NEDD9: variants seen among roughly 807,000 people sequenced by gnomAD.
The protein encoded by NEDD9 is neural precursor cell expressed, developmentally down-regulated 9.
Under a neutral mutation model 76.6 loss-of-function variants are expected in NEDD9, and 26 were observed. The ratio of observed to expected loss-of-function variants is 0.34; its 90% CI spans 0.25 to 0.47. The LOEUF (loss-of-function observed/expected upper bound fraction) is 0.47. NEDD9 is among the 20% of genes least tolerant of loss of function. The pLI is 1.00. For missense variants in NEDD9, 937 were observed against 1,058.5 expected (o/e 0.89, Z 1.59); for synonymous variants, 392 against 414.2 (o/e 0.95, Z 0.65).
At chr6:11,308,493 C>T (rs1761261281) in intron 2 of NEDD9, among the ~76,000 whole-genome samples, 1 of 151,008 alleles carries the variant, frequency 6.6e-6, no homozygotes, top group Non-Finnish European at 1.5e-5. Context: ...CCTCAGCCTC[C>T]CGAGTAGCTG....
rs549720968 is a variant in NEDD9, at chr6:11,301,820, G to A, written c.12+4172C>T. 1.5e-4 allele frequency among the ~76,000 whole-genome samples: 23 copies of A among 152,242 alleles called. No individual in the cohort carries two copies. In the South Asian group the frequency reaches 4.4e-3, roughly 29 times the overall value. ...TAAAGATGTTCTTTGAAACCAATGA[G>A]AAAAAAGATGCAACACACCAGAATC... On this transcript the variant is annotated intron_variant, in intron 3 of 3. Coordinates refer to the NEDD9 transcript ENST00000397378.
intron 2 of NEDD9, among the ~76,000 whole-genome samples, chr6:11,210,487 G>T (rs1758752475): frequency 6.6e-6 from 1 of 152,122 alleles, no homozygotes; most frequent in African/African-American, 2.4e-5. Flanking sequence ...TATTAAGCCA[G>T]TCAGTAAAAC....
intron 3 of NEDD9, among the ~76,000 whole-genome samples, chr6:11,282,930 A>G (rs1455219140): frequency 6.6e-6 from 1 of 152,224 alleles, no homozygotes; most frequent in Non-Finnish European, 1.5e-5. Context: ...TATACAGAAA[A>G]GTCGTTATGA....
intron 3 of NEDD9, chr6:11,305,924 G>A (rs1299917602): frequency 1.3e-6 from 2 of 1,542,678 alleles, no homozygotes; most frequent in Non-Finnish European, 1.8e-6. Context: ...TTATTGCAGA[G>A]AATTTAGGCT....
At position 11,370,358 on chromosome 6, in the gene NEDD9, G is replaced by T. The variant is rs1268769630; in HGVS notation, c.-214+11781C>A. 3.9e-5 allele frequency among the ~76,000 whole-genome samples: 6 copies of T among 152,224 alleles called. No homozygotes were observed. The highest frequency in any genetic ancestry group is 1.2e-4 in the African/African-American group (5 of 41,462). On this transcript the variant is annotated intron_variant, in intron 1 of 3. Coordinates refer to the NEDD9 transcript ENST00000397378. This position sits in a 1 kb window ranked among gnomAD's most constrained non-coding sequence, Gnocchi z 4.2. ...TAGAGCTTTGTTTTTCAATCAGGCT[G>T]TTATTCAAATGCTGGAGCGGATCCA...
At chr6:11,328,699 T>C (rs1471529434) in intron 2 of NEDD9, 3 of 152,284 alleles carry the variant, frequency 2.0e-5, no homozygotes, top group African/African-American at 7.2e-5. Context: ...TTGTCTCTAC[T>C]TTGCCTTCCG....
intron 2 of NEDD9, among the ~76,000 whole-genome samples, chr6:11,312,082 A>G (rs1761388943): frequency 1.3e-5 from 2 of 151,870 alleles, no homozygotes; most frequent in African/African-American, 2.4e-5. Context: ...CTGCAGCCAC[A>G]ACTTCAGTTT....
At chr6:11,250,151 G>A (rs969405524) in intron 3 of NEDD9, among the ~76,000 whole-genome samples, 8 of 152,204 alleles carry the variant, frequency 5.3e-5, no homozygotes, top group African/African-American at 1.7e-4. Context: ...GGAGAGAGAC[G>A]TTGAGACTAG....
intron 3 of NEDD9, among the ~76,000 whole-genome samples, chr6:11,267,383 G>GAA (rs532016064): frequency 6.3e-5 from 8 of 126,354 alleles, no homozygotes; most frequent in Admixed American, 8.1e-5. Context: ...AGATGTCTTT[G>GAA]AAAAAAAAAA....
At chr6:11,265,791 A>G (rs935702423) in intron 3 of NEDD9, among the ~76,000 whole-genome samples, 4 of 152,214 alleles carry the variant, frequency 2.6e-5, no homozygotes, top group Non-Finnish European at 5.9e-5. Context: ...TTAAGTGTCT[A>G]TCAATGGAGG....
intron 2 of NEDD9, among the ~76,000 whole-genome samples, chr6:11,209,930 A>G (rs1758723382): frequency 6.7e-6 from 1 of 150,340 alleles, no homozygotes; most frequent in Non-Finnish European, 1.5e-5. Context: ...GGAGTTTCCA[A>G]GAGAGCAAAG....
At chr6:11,226,177 G>A (rs975561394) in intron 1 of NEDD9, among the ~76,000 whole-genome samples, 1 of 152,186 alleles carries the variant, frequency 6.6e-6, no homozygotes, top group Non-Finnish European at 1.5e-5. Flanking sequence ...TAGCCAGCAG[G>A]AATTACTGCA....
chr6:11,218,267 G>C (rs146257811), intron 1 of NEDD9, among the ~76,000 whole-genome samples: 2 of 151,836 alleles, frequency 1.3e-5, no homozygotes. Context: ...GAGGTTTGCT[G>C]TGTCTCTTCA....
Position 11,232,624 on chromosome 6 carries a change from C to T in NEDD9, c.-109G>A, listed in dbSNP as rs182773717. The T allele has an allele frequency of 3.7e-4, 585 of 1,589,278 alleles. No individual in the cohort carries two copies. The highest frequency in any genetic ancestry group is 2.0e-3 in the Admixed American group (115 of 57,418). ...AGCGCTAGATGAAAGCGAGAAGGTCCCGGGCAGAGCCGCTTGTCAGTCGCA... is the reference window on the plus strand; with the variant it reads ...AGCGCTAGATGAAAGCGAGAAGGTCTCGGGCAGAGCCGCTTGTCAGTCGCA... On this transcript the variant is annotated 5_prime_UTR_variant, in exon 1 of 7. Coordinates refer to ENST00000379446, the MANE Select transcript of NEDD9 (RefSeq NM_006403.4).
rs866137470 is a variant in NEDD9, at chr6:11,192,731, G to A, written c.562-285C>T. Among the ~76,000 whole-genome samples, 6 of 148,908 alleles carry A rather than the reference G, an allele frequency of 4.0e-5. No individual in the cohort carries two copies. The Middle Eastern group carries it at 0.011, about 272-fold the overall frequency. On this transcript the variant is annotated intron_variant, in intron 3 of 6. Coordinates refer to ENST00000379446, the MANE Select transcript of NEDD9 (RefSeq NM_006403.4). ...GGGCAGATCACAAGGTCAAGAAATC[G>A]AGACCATCCTGGCCAACATGGTAAA...
intron 1 of NEDD9, among the ~76,000 whole-genome samples, chr6:11,340,492 G>A (rs148682766): frequency 2.4e-4 from 36 of 152,216 alleles, no homozygotes; most frequent in African/African-American, 4.3e-4. Flanking sequence ...TCATTTAATC[G>A]TCATAATATC....
intron 2 of NEDD9, among the ~76,000 whole-genome samples, chr6:11,307,113 T>G (rs1761207188): frequency 6.6e-6 from 1 of 152,142 alleles, no homozygotes; most frequent in Non-Finnish European, 1.5e-5. Flanking sequence ...GAGGTTGTTT[T>G]AAAAGGGGAA....
At chr6:11,261,764 A>G (rs1038454359) in intron 3 of NEDD9, among the ~76,000 whole-genome samples, 3 of 151,868 alleles carry the variant, frequency 2.0e-5, no homozygotes, top group African/African-American at 7.3e-5. Context: ...TTTTTACCTT[A>G]TTTTCTCTCT....
At chr6:11,257,810 T>TGC (rs1554128471) in intron 3 of NEDD9, among the ~76,000 whole-genome samples, 8 of 151,292 alleles carry the variant, frequency 5.3e-5, no homozygotes, top group African/African-American at 1.5e-4. Context: ...TGTGTGTGTG[T>TGC]GCAGTACGGC....
Sources: gnomAD v4.1 joint callset for allele counts (sites outside exome capture counted in the v4.1 genomes callset) on GRCh38, gnomAD v4.1.1 for gene constraint, Gnocchi (gnomAD v3.1) non-coding constraint, MANE v1.5 for transcripts, NCBI Gene and HGNC (gene_info 2026-07-23, HGNC 2026-07-21) for gene names.